The following CRACD variants were observed in gnomAD, a reference collection of about 807,000 sequenced individuals.
The protein encoded by CRACD is capping protein-inhibiting regulator of actin dynamics.
A neutral mutation model predicts 106.8 loss-of-function variants in CRACD; 56 were observed. That is an observed-to-expected ratio of 0.52 (90% confidence interval 0.42 to 0.66). The LOEUF is 0.66. Ranked by LOEUF, CRACD falls within the 30% of genes least tolerant of loss-of-function variation. The pLI, the probability that CRACD is intolerant of heterozygous loss-of-function variation, is 0.00. For missense variants in CRACD, 1,730 were observed against 1,623.2 expected, an observed-to-expected ratio of 1.07 and a Z score of -1.13; for synonymous variants, 754 against 670.8, an observed-to-expected ratio of 1.12 and a Z score of -1.92.
chr4:56,095,121 G>T (rs777306333), intron 1 of CRACD, among the ~76,000 whole-genome samples: 1 of 152,158 alleles, frequency 6.6e-6, no homozygotes. Context: ...GGAGGCCAGG[G>T]TAAGAGGATC....
At chr4:56,166,236 T>C (rs902381949) in intron 1 of CRACD, among the ~76,000 whole-genome samples, 5 of 152,164 alleles carry the variant, frequency 3.3e-5, no homozygotes, top group African/African-American at 1.2e-4. Flanking sequence ...CCCAATTTTT[T>C]CACTTATATG....
intron 2 of CRACD, among the ~76,000 whole-genome samples, chr4:56,251,445 T>A (rs1438584755): frequency 1.3e-5 from 2 of 152,218 alleles, no homozygotes; most frequent in Non-Finnish European, 2.9e-5. Flanking sequence ...TTTTATTTCC[T>A]TTAGCCCAGG....
intron 2 of CRACD, among the ~76,000 whole-genome samples, chr4:56,232,052 A>T (rs1206972543): frequency 1.3e-5 from 2 of 152,200 alleles, no homozygotes; most frequent in African/African-American, 4.8e-5. Flanking sequence ...AATGCAAGCC[A>T]ACTCAACTCT....
At chr4:56,259,801 T>C (rs888386229) in intron 2 of CRACD, among the ~76,000 whole-genome samples, 4 of 151,868 alleles carry the variant, frequency 2.6e-5, no homozygotes, top group Non-Finnish European at 4.4e-5. Context: ...CTGGCTGGGG[T>C]GATTGGTCCT....
Position 56,315,875 on chromosome 4 carries a change from T to C in CRACD, c.2373T>C (p.Phe791=). ...EPADTTEGCK[F]AKDLPSFLVP... is the part of the protein sequence containing the mutation. The stretch of plus-strand genomic sequence containing the variant: ...CAGACACCACCGAGGGATGCAAATT[T>C]GCCAAAGACCTCCCGTCTTTCCTTG... Residue 791 remains phenylalanine, a synonymous_variant, in exon 8 of 11, where the codon TTT becomes TTC. Transcript: ENST00000682029. The surrounding 1 kb of genome is among the most constrained non-coding windows in gnomAD (Gnocchi z 4.1). 1 of 1,614,082 alleles carries C rather than the reference T, an allele frequency of 6.2e-7. No individual in the cohort carries two copies. The highest frequency in any genetic ancestry group is 8.5e-7 in the Non-Finnish European group (1 of 1,180,024).
chr4:56,063,803 A>G (rs373037723), intron 1 of CRACD, among the ~76,000 whole-genome samples: 1 of 152,196 alleles, frequency 6.6e-6, no homozygotes, highest in African/African-American at 2.4e-5. Flanking sequence ...TAATGCTGCT[A>G]TGAACATTGG....
intron 1 of CRACD, among the ~76,000 whole-genome samples, chr4:56,053,013 A>G (rs146759163): frequency 1.3e-5 from 2 of 152,302 alleles, no homozygotes; most frequent in African/African-American, 4.8e-5. Context: ...CTGGTCTTTG[A>G]TGTAAATATT....
At chr4:56,261,820 T>C (rs1358200108) in intron 2 of CRACD, among the ~76,000 whole-genome samples, 1 of 152,188 alleles carries the variant, frequency 6.6e-6, no homozygotes, top group African/African-American at 2.4e-5. Flanking sequence ...GTGATTTTTA[T>C]TGATAAGTCC....
intron 1 of CRACD, among the ~76,000 whole-genome samples, chr4:56,085,585 T>A (rs1268926827): frequency 2.6e-5 from 4 of 152,242 alleles, no homozygotes; most frequent in Non-Finnish European, 4.4e-5. Context: ...TAATTTAGGT[T>A]TCCCAGGTTA....
rs60218856 is a variant in CRACD at position 56,091,364 on chromosome 4, CTTT to C, written c.-336+42078_-336+42080del. Among the ~76,000 whole-genome samples the C allele has an allele frequency of 4.6e-4, 68 of 146,744 alleles. No individual in the cohort carries two copies. The East Asian group carries it at 7.4e-3, about 16-fold the overall frequency. ...GCCATTGTGACTGGCCAGAGTAGTT[CTTT>C]TTTTTTTTTTTTAAACGCAGGCATA... is the stretch of plus-strand genomic sequence containing the variant. On this transcript the variant is annotated intron_variant, in intron 1 of 10. Coordinates refer to ENST00000682029, the MANE Select transcript of CRACD (RefSeq NM_001393381.1).
At chr4:56,208,982 CTT>C (rs1376944379) in intron 2 of CRACD, among the ~76,000 whole-genome samples, 2 of 151,818 alleles carry the variant, frequency 1.3e-5, no homozygotes, top group Admixed American at 1.3e-4. Context: ...CTCTCTCTCT[CTT>C]TTTTTATTTT....
intron 2 of CRACD, among the ~76,000 whole-genome samples, chr4:56,270,856 C>T (rs1051667133): frequency 1.3e-5 from 2 of 151,830 alleles, no homozygotes; most frequent in East Asian, 1.9e-4. Flanking sequence ...CCAAGGCGGA[C>T]GGATCATTTG....
intron 1 of CRACD, among the ~76,000 whole-genome samples, chr4:56,122,627 C>T (rs1458554816): frequency 2.0e-5 from 3 of 152,182 alleles, no homozygotes; most frequent in African/African-American, 7.2e-5. Flanking sequence ...CCTTCTGCCC[C>T]CAACATCTAC....
chr4:56,121,136 C>G (rs1734468274), intron 1 of CRACD, among the ~76,000 whole-genome samples: 1 of 152,138 alleles, frequency 6.6e-6, no homozygotes, highest in Non-Finnish European at 1.5e-5. Context: ...CATTTAATAT[C>G]AGTACTAATC....
chr4:56,324,746 A>C (rs1577921008), intron 10 of CRACD, among the ~76,000 whole-genome samples: 2 of 152,358 alleles, frequency 1.3e-5, no homozygotes, highest in East Asian at 3.9e-4. Context: ...ACTTGGGGTA[A>C]AGGGTGAAGT....
intron 1 of CRACD, among the ~76,000 whole-genome samples, chr4:56,124,794 A>AGTTGCTTT (rs1297493587): frequency 6.6e-6 from 1 of 152,120 alleles, no homozygotes; most frequent in African/African-American, 2.4e-5. Context: ...GTAGAGGAAG[A>AGTTGCTTT]GTTGCTTTTC....
At chr4:56,174,012 T>C (rs1340045976) in intron 1 of CRACD, among the ~76,000 whole-genome samples, 1 of 152,232 alleles carries the variant, frequency 6.6e-6, no homozygotes, top group Non-Finnish European at 1.5e-5. Context: ...TTGATGTATC[T>C]TCTTTGGAGA....
chr4:56,147,152 T>C (rs1735416384), intron 1 of CRACD, among the ~76,000 whole-genome samples: 2 of 152,160 alleles, frequency 1.3e-5, no homozygotes, highest in South Asian at 4.1e-4. Context: ...TGGCCCTCTC[T>C]GCCTGGTTTG....
At chr4:56,080,859 CA>C (rs1250595732) in intron 1 of CRACD, among the ~76,000 whole-genome samples, 7 of 152,230 alleles carry the variant, frequency 4.6e-5, no homozygotes, top group Non-Finnish European at 2.9e-5. Context: ...CCGTTATTAA[CA>C]AAGGCAACTG....
Sources: allele counts gnomAD v4.1 joint callset (sites outside exome capture counted in the v4.1 genomes callset), GRCh38; gene constraint gnomAD v4.1.1; non-coding constraint Gnocchi (gnomAD v3.1); transcripts MANE v1.5; gene names NCBI Gene and HGNC (gene_info 2026-07-23, HGNC 2026-07-21).